The following TPMT variants were observed in gnomAD, a reference collection of about 807,000 sequenced individuals.
The protein encoded by TPMT is S-adenosyl-L-methionine:thiopurine S-methyltransferase.
Under a neutral mutation model 34.2 loss-of-function variants are expected in TPMT, and 18 were observed. That is an observed-to-expected ratio of 0.53 (90% CI 0.36 to 0.78). TPMT has a LOEUF of 0.78. Among genes scored for constraint, TPMT ranks in the 30% least tolerant of loss-of-function variants. The pLI, the probability that TPMT is intolerant of heterozygous loss-of-function variation, is 0.00. For synonymous variants in TPMT, 69 were observed against 92.4 expected (o/e 0.75, Z 1.45); for missense variants, 265 against 288.1 (o/e 0.92, Z 0.58).
In TPMT at chr6:18,135,983, A is replaced by T. The variant is rs1197440931; in HGVS notation, c.495-2094T>A. 6.6e-6 allele frequency among the ~76,000 whole-genome samples: 1 copy of T among 152,150 alleles called. No homozygotes were observed. The highest frequency in any genetic ancestry group is 1.5e-5 in the Non-Finnish European group (1 of 68,022). ...AAACAACATTTATTAAGCTCTTACT[A>T]GGTGCTAAATATATATTATATCAGA... On this transcript the variant is annotated intron_variant, in intron 6 of 8. Transcript: ENST00000309983. This position sits in a 1 kb window ranked among gnomAD's most constrained non-coding sequence, Gnocchi z 5.0.
Position 18,147,004 on chromosome 6 carries a change from G to A in TPMT, c.233+819C>T, listed in dbSNP as rs1005509619. On this transcript the variant is annotated intron_variant, in intron 3 of 8. Transcript: ENST00000309983. ...AGGCAGGGTCTATGTTGTCCAGACTGGTCTCAAATTCCTGGGCTCAAGAGA... is the reference window on the plus strand; with the variant it reads ...AGGCAGGGTCTATGTTGTCCAGACTAGTCTCAAATTCCTGGGCTCAAGAGA... Among the ~76,000 whole-genome samples the A allele has an allele frequency of 5.3e-5, 8 of 152,110 alleles. No individual in the cohort carries two copies. The South Asian group carries it at 1.7e-3, about 32-fold the overall frequency.
intron 7 of TPMT, 75 bp downstream of exon 7, chr6:18,133,729 T>G (rs1260788448): frequency 9.0e-6 from 10 of 1,110,654 alleles, no homozygotes; most frequent in Non-Finnish European, 1.2e-5. Flanking sequence ...AAAATAATTC[T>G]TATCCATGTC....
rs1048955293 is a variant in TPMT at position 18,130,500 on chromosome 6, CTT to C, written c.*166_*167del. On this transcript the variant is annotated 3_prime_UTR_variant, in exon 9 of 9. Transcript: ENST00000309983. This position sits in a 1 kb window ranked among gnomAD's most constrained non-coding sequence, Gnocchi z 4.2. ...TTAGTTACATCTTTTTCTTCTAAAACTTTTTTAGAAAAAGTAAATGGCTTTAC... is the reference window on the plus strand; with the variant it reads ...TTAGTTACATCTTTTTCTTCTAAAACTTTTAGAAAAAGTAAATGGCTTTAC... 1.7e-6 allele frequency: 1 copy of C among 575,292 alleles called. No homozygotes were observed. Among genetic ancestry groups the C allele is most frequent in the African/African-American group, 1.9e-5 (1 of 53,010 alleles). 35.6% of individuals were successfully genotyped at this position (575,292 alleles called of 1,614,324 possible).
rs575395555 is a variant in TPMT, at chr6:18,131,742, T to C, written c.625+391A>G. On this transcript the variant is annotated intron_variant, in intron 8 of 8. Coordinates refer to ENST00000309983, the MANE Select transcript of TPMT (RefSeq NM_000367.5). This position sits in a 1 kb window ranked among gnomAD's most constrained non-coding sequence, Gnocchi z 4.3. ...AATGGTCTTTATCTTTTAAATTTTA[T>C]AGACATACTCTAGATACTAATATAC... Among the ~76,000 whole-genome samples, 6 of 152,250 alleles carry C rather than the reference T, an allele frequency of 3.9e-5. No homozygotes were observed. The highest frequency in any genetic ancestry group is 2.1e-4 in the South Asian group (1 of 4,818).
Position 18,153,685 on chromosome 6 carries a change from A to G in TPMT, c.-45+1348T>C, listed in dbSNP as rs1784400536. ...AGGAGGTGACTCTGAGTTTTCTGAGAGGTCAGTAGAAAGTATCTGATTTAT... is the reference window on the plus strand; with the variant it reads ...AGGAGGTGACTCTGAGTTTTCTGAGGGGTCAGTAGAAAGTATCTGATTTAT... On this transcript the variant is annotated intron_variant, in intron 1 of 8. Transcript: ENST00000309983. The surrounding 1 kb of genome is among the most constrained non-coding windows in gnomAD (Gnocchi z 4.2). Among the ~76,000 whole-genome samples, 1 of 152,238 alleles carries G rather than the reference A, an allele frequency of 6.6e-6. No homozygotes were observed. Among genetic ancestry groups the G allele is most frequent in the Admixed American group, 6.5e-5 (1 of 15,286 alleles).
intron 3 of TPMT, among the ~76,000 whole-genome samples, chr6:18,147,154 C>T (rs1382491586): frequency 6.6e-6 from 1 of 151,992 alleles, no homozygotes; most frequent in Non-Finnish European, 1.5e-5. Context: ...TCTCAACATT[C>T]AAGCTTATAA....
Position 18,133,802 on chromosome 6 carries a change from AC to A in TPMT, c.580+1del. On this transcript the variant is annotated splice_donor_variant, in intron 7 of 8. Coordinates refer to ENST00000309983, the MANE Select transcript of TPMT (RefSeq NM_000367.5). LOFTEE classifies it high-confidence loss of function. ...GAAAAAAAAAAAACCCAACAACTTT[AC>A]CTGGATGTTTAGTTGGATCATAAGA... The A allele has an allele frequency of 6.3e-7, 1 of 1,581,302 alleles. No homozygotes were observed. The highest frequency in any genetic ancestry group is 8.6e-7 in the Non-Finnish European group (1 of 1,165,206).
At position 18,143,728 on chromosome 6, in the gene TPMT, C is replaced by A. The variant is rs1256618794; in HGVS notation, c.234G>T (p.Trp78Cys). 23 of 1,613,896 alleles carry A rather than the reference C, an allele frequency of 1.4e-5. 1 individual carries two copies. Among genetic ancestry groups the A allele is most frequent in the Non-Finnish European group, 1.9e-5 (23 of 1,179,990 alleles). Residue 78 changes from tryptophan (W) to cysteine (C), a missense_variant and splice_region_variant, in exon 4 of 9, where the codon TGG becomes TGT. Coordinates refer to ENST00000309983, the MANE Select transcript of TPMT (RefSeq NM_000367.5). The surrounding 1 kb of genome is among the most constrained non-coding windows in gnomAD (Gnocchi z 6.1). ...CTACACTGTGTCCCCGGTCTGCAAA[C>A]CTGCATAAAATCATACATTTACACT... ...PLCGKAVEMK[W>C]FADRGHSVVG... is the part of the protein sequence containing the mutation.
At chr6:18,147,088 C>T (rs537834512) in intron 3 of TPMT, among the ~76,000 whole-genome samples, 6 of 152,004 alleles carry the variant, frequency 3.9e-5, no homozygotes, top group Non-Finnish European at 7.3e-5. Flanking sequence ...CCACACCTGG[C>T]GCATTTACTA....
chr6:18,133,588 A>G (rs2150708996), intron 7 of TPMT, among the ~76,000 whole-genome samples: 1 of 152,386 alleles, frequency 6.6e-6, no homozygotes, highest in East Asian at 1.9e-4. Flanking sequence ...ATGGTAAACA[A>G]AATGGGAAAG....
Position 18,132,104 on chromosome 6 carries a change from A to G in TPMT, c.625+29T>C. On this transcript the variant is annotated intron_variant, in intron 8 of 8. Transcript: ENST00000309983. This position sits in a 1 kb window ranked among gnomAD's most constrained non-coding sequence, Gnocchi z 4.8. Reference sequence around the variant, plus strand: ...AAAGAGTTAACTTGACTTTGTTTAAAAAGTTACAGCATAAGTCCACAAACT... The same window carrying G: ...AAAGAGTTAACTTGACTTTGTTTAAGAAGTTACAGCATAAGTCCACAAACT... The G allele has an allele frequency of 6.2e-7, 1 of 1,613,484 alleles. No homozygotes were observed. Among genetic ancestry groups the G allele is most frequent in the Non-Finnish European group, 8.5e-7 (1 of 1,179,494 alleles).
rs1028932367 is a variant in TPMT, at chr6:18,154,080, G to A, written c.-45+953C>T. On this transcript the variant is annotated intron_variant, in intron 1 of 8. Coordinates refer to ENST00000309983, the MANE Select transcript of TPMT (RefSeq NM_000367.5). The surrounding 1 kb of genome is among the most constrained non-coding windows in gnomAD (Gnocchi z 4.2). The stretch of plus-strand genomic sequence containing the variant: ...CTATAAGGGTGCACCACCATGCCTG[G>A]CTAATTTTTAAATATTTTGTAGAGA... Among the ~76,000 whole-genome samples the A allele has an allele frequency of 1.3e-5, 2 of 152,066 alleles. No individual in the cohort carries two copies. Among genetic ancestry groups the A allele is most frequent in the African/African-American group, 2.4e-5 (1 of 41,388 alleles).
rs866065161 is a variant in TPMT at position 18,147,847 on chromosome 6, CAA to C, written c.207_208del (p.Cys70ArgfsTer5). 1.2e-6 allele frequency: 2 copies of C among 1,613,082 alleles called. No individual in the cohort carries two copies. Among genetic ancestry groups the C allele is most frequent in the African/African-American group, 2.7e-5 (2 of 74,630 alleles). On this transcript the variant is annotated frameshift_variant, in exon 3 of 9. Coordinates refer to ENST00000309983, the MANE Select transcript of TPMT (RefSeq NM_000367.5). LOFTEE classifies it high-confidence loss of function. The stretch of plus-strand genomic sequence containing the variant: ...CCATTTCATCTCAACCGCTTTTCCG[CAA>C]AGAGGAAAAAATACCCTCAGTCCAC...
rs1784336318 is a variant in TPMT at position 18,150,710 on chromosome 6, G to A, written c.-44-1539C>T. Among the ~76,000 whole-genome samples the A allele has an allele frequency of 6.6e-6, 1 of 152,144 alleles. No homozygotes were observed. The highest frequency in any genetic ancestry group is 2.1e-4 in the South Asian group (1 of 4,830). Reference sequence around the variant, plus strand: ...TTTCCATTTTGCATGTATAAAACACGGTTAGACTATTCCTCATCCTTGATG... The same window carrying A: ...TTTCCATTTTGCATGTATAAAACACAGTTAGACTATTCCTCATCCTTGATG... On this transcript the variant is annotated intron_variant, in intron 1 of 8. Coordinates refer to ENST00000309983, the MANE Select transcript of TPMT (RefSeq NM_000367.5). The surrounding 1 kb of genome is among the most constrained non-coding windows in gnomAD (Gnocchi z 5.3).
Position 18,138,844 on chromosome 6 carries a change from T to G in TPMT, c.494+119A>C. 1.2e-6 allele frequency: 1 copy of G among 857,780 alleles called. No homozygotes were observed. Among genetic ancestry groups the G allele is most frequent in the South Asian group, 1.6e-5 (1 of 63,962 alleles). 53.1% of individuals were successfully genotyped at this position (857,780 alleles called of 1,614,324 possible). On this transcript the variant is annotated intron_variant, in intron 6 of 8. Coordinates refer to ENST00000309983, the MANE Select transcript of TPMT (RefSeq NM_000367.5). This position sits in a 1 kb window ranked among gnomAD's most constrained non-coding sequence, Gnocchi z 4.1. ...GTATTGGATTTAGGTTTTTATAAAT[T>G]CCAAACATAATAACCTATTTCAAAC...
rs1207304328 is a variant in TPMT, at chr6:18,138,933, CAGCT to C, written c.494+26_494+29del. 6.3e-7 allele frequency: 1 copy of C among 1,589,484 alleles called. No homozygotes were observed. The highest frequency in any genetic ancestry group is 1.7e-5 in the Admixed American group (1 of 59,442). On this transcript the variant is annotated intron_variant, in intron 6 of 8. Transcript: ENST00000309983. This position sits in a 1 kb window ranked among gnomAD's most constrained non-coding sequence, Gnocchi z 4.1. ...AGTATAGTATACTAAAAAATTAAGA[CAGCT>C]AAACAAAAAAAGAAAAATTACTTAC...
rs1179407306 is a variant in TPMT, at chr6:18,138,267, T to G, written c.494+696A>C. On this transcript the variant is annotated intron_variant, in intron 6 of 8. Coordinates refer to ENST00000309983, the MANE Select transcript of TPMT (RefSeq NM_000367.5). This position sits in a 1 kb window ranked among gnomAD's most constrained non-coding sequence, Gnocchi z 4.1. ...CATGAAATATTTTGATTTTTTTGTTTTTTTTTTTTTTTAAATATTTTACAG... is the reference window on the plus strand; with the variant it reads ...CATGAAATATTTTGATTTTTTTGTTGTTTTTTTTTTTTAAATATTTTACAG... Among the ~76,000 whole-genome samples the G allele has an allele frequency of 1.3e-5, 2 of 149,104 alleles. No individual in the cohort carries two copies. The highest frequency in any genetic ancestry group is 2.5e-5 in the African/African-American group (1 of 40,608).
rs1783919442 is a variant in TPMT at position 18,130,433 on chromosome 6, T to TTCACATCATAATCTC, written c.*220_*234dup. On this transcript the variant is annotated 3_prime_UTR_variant, in exon 9 of 9. Coordinates refer to ENST00000309983, the MANE Select transcript of TPMT (RefSeq NM_000367.5). This position sits in a 1 kb window ranked among gnomAD's most constrained non-coding sequence, Gnocchi z 4.2. ...TCTGCAAGACACATAGGCATAATCT[T>TTCACATCATAATCTC]TCACATCATAATCTCCTCTCCAAAG... The TTCACATCATAATCTC allele has an allele frequency of 2.1e-6, 1 of 469,080 alleles. No individual in the cohort carries two copies. Among genetic ancestry groups the TTCACATCATAATCTC allele is most frequent in the Admixed American group, 3.6e-5 (1 of 27,836 alleles). The allele number at this position is 469,080 out of a possible 1,614,324, so 29.1% of individuals were successfully genotyped here.
In TPMT at chr6:18,140,191, G is replaced by T. The variant is rs927992007; in HGVS notation, c.367-474C>A. Among the ~76,000 whole-genome samples, 11 of 152,286 alleles carry T rather than the reference G, an allele frequency of 7.2e-5. No individual in the cohort carries two copies. The highest frequency in any genetic ancestry group is 2.6e-4 in the African/African-American group (11 of 41,564). On this transcript the variant is annotated intron_variant, in intron 4 of 8. Transcript: ENST00000309983. The surrounding 1 kb of genome is among the most constrained non-coding windows in gnomAD (Gnocchi z 4.7). ...TATTTGCTGAGTACCTAATAGACAA[G>T]ACATCTATCCTGGGTTCTTGACAGT...
Sources: allele counts gnomAD v4.1 joint callset (sites outside exome capture counted in the v4.1 genomes callset), GRCh38; gene constraint gnomAD v4.1.1; non-coding constraint Gnocchi (gnomAD v3.1); transcripts MANE v1.5; gene names NCBI Gene and HGNC (gene_info 2026-07-23, HGNC 2026-07-21).